The following GALM variants were observed in gnomAD, a reference collection of about 807,000 sequenced individuals.
GALM encodes the protein aldose 1-epimerase.
Under a neutral mutation model 37.4 loss-of-function variants are expected in GALM, and 43 were observed. The observed-to-expected ratio is 1.15, with a 90% CI of 0.90 to 1.48. The LOEUF (loss-of-function observed/expected upper bound fraction) is 1.48, where lower values mean the gene tolerates loss of function less well. Among genes scored for constraint, GALM ranks in the 40% most tolerant of loss-of-function variants. GALM has a pLI of 0.00. For missense variants in GALM, 456 were observed against 419.1 expected, an observed-to-expected ratio of 1.09 and a Z score of -0.77; for synonymous variants, 199 against 170.6, an observed-to-expected ratio of 1.17 and a Z score of -1.30.
At chr2:38,712,205 C>T (rs915690539) in intron 4 of GALM, among the ~76,000 whole-genome samples, 3 of 152,184 alleles carry the variant, frequency 2.0e-5, no homozygotes, top group Non-Finnish European at 4.4e-5. Context: ...CTCCTAGCTT[C>T]ATGCTGTCTG....
intron 5 of GALM, among the ~76,000 whole-genome samples, chr2:38,730,960 T>C (rs1406149815): frequency 2.0e-5 from 3 of 150,558 alleles, no homozygotes; most frequent in Admixed American, 2.0e-4. Flanking sequence ...GCAGTGGCTC[T>C]CATGCCTGTA....
At chr2:38,711,827 C>T (rs796223974) in intron 4 of GALM, among the ~76,000 whole-genome samples, 7 of 127,454 alleles carry the variant, frequency 5.5e-5, no homozygotes, top group East Asian at 4.5e-4. Flanking sequence ...ATCACTATCA[C>T]CACCATCATC....
chr2:38,730,127 T>G (rs1337604674), intron 5 of GALM, among the ~76,000 whole-genome samples: 1 of 152,228 alleles, frequency 6.6e-6, no homozygotes, highest in African/African-American at 2.4e-5. Context: ...GATAGACACT[T>G]GTGTGCACGC....
At chr2:38,675,437 C>G (rs909418952) in intron 1 of GALM, among the ~76,000 whole-genome samples, 1 of 151,342 alleles carries the variant, frequency 6.6e-6, no homozygotes, top group Non-Finnish European at 1.5e-5. Flanking sequence ...AGGACTTTGA[C>G]ATGCCCAAGA....
At chr2:38,675,072 G>A (rs181905277) in intron 1 of GALM, among the ~76,000 whole-genome samples, 1 of 152,082 alleles carries the variant, frequency 6.6e-6, no homozygotes, top group African/African-American at 2.4e-5. Flanking sequence ...CTACTCAGGA[G>A]GCTGAGGCAA....
At chr2:38,714,288 C>T (rs568750265) in intron 4 of GALM, among the ~76,000 whole-genome samples, 263 of 150,096 alleles carry the variant, frequency 1.8e-3, no homozygotes, top group African/African-American at 6.3e-3. Flanking sequence ...GATCTCGGCT[C>T]ACTGCAACCT....
At chr2:38,692,876 G>T (rs1280885787) in intron 4 of GALM, among the ~76,000 whole-genome samples, 1 of 152,322 alleles carries the variant, frequency 6.6e-6, no homozygotes, top group East Asian at 1.9e-4. Context: ...GAACAAGCGT[G>T]GGCGGTGCAA....
At chr2:38,697,243 C>T (rs879390150) in intron 4 of GALM, among the ~76,000 whole-genome samples, 66 of 152,158 alleles carry the variant, frequency 4.3e-4, no homozygotes, top group Non-Finnish European at 8.4e-4. Context: ...CTACATTCCT[C>T]GGATTGTGCG....
At chr2:38,697,749 T>G (rs1343282403) in intron 4 of GALM, among the ~76,000 whole-genome samples, 1 of 152,084 alleles carries the variant, frequency 6.6e-6, no homozygotes, top group African/African-American at 2.4e-5. Context: ...GGATGGGGCA[T>G]TATCACCTAG....
At chr2:38,704,225 G>T (rs1665989694) in intron 4 of GALM, among the ~76,000 whole-genome samples, 1 of 150,660 alleles carries the variant, frequency 6.6e-6, no homozygotes, top group South Asian at 2.1e-4. Flanking sequence ...TAGAGACAGG[G>T]TCTCACTCTG....
At chr2:38,676,758 G>A (rs997325696) in intron 2 of GALM, among the ~76,000 whole-genome samples, 9 of 151,980 alleles carry the variant, frequency 5.9e-5, no homozygotes, top group Non-Finnish European at 7.4e-5. Context: ...GCCAGAGTCC[G>A]TCTCAAAAAA....
chr2:38,685,250 T>C (rs1186673208), intron 3 of GALM, among the ~76,000 whole-genome samples: 1 of 152,142 alleles, frequency 6.6e-6, no homozygotes, highest in Non-Finnish European at 1.5e-5. Context: ...AAATTTGCCC[T>C]CTGGAAATGG....
At chr2:38,732,083 C>T (rs1666620433) in intron 6 of GALM, among the ~76,000 whole-genome samples, 174 bp downstream of exon 6, 1 of 152,050 alleles carries the variant, frequency 6.6e-6, no homozygotes, top group African/African-American at 2.4e-5. Flanking sequence ...TGCAGTGGCA[C>T]GATCTCAGCT....
chr2:38,673,789 G>T (rs1268685837), intron 1 of GALM, among the ~76,000 whole-genome samples: 1 of 137,072 alleles, frequency 7.3e-6, no homozygotes, highest in Non-Finnish European at 1.5e-5. Context: ...CAGCCTGGGC[G>T]ACAGAGCGAG....
At chr2:38,720,047 AT>A (rs1391350855) in intron 4 of GALM, among the ~76,000 whole-genome samples, 1 of 151,614 alleles carries the variant, frequency 6.6e-6, no homozygotes, top group Non-Finnish European at 1.5e-5. Context: ...ACTAAAAAAA[AT>A]AATAATAATA....
chr2:38,691,797 A>G (rs1490928833), intron 4 of GALM, among the ~76,000 whole-genome samples: 1 of 151,576 alleles, frequency 6.6e-6, no homozygotes, highest in Admixed American at 6.6e-5. Context: ...ATATTTTAGT[A>G]CCATAAAAGT....
chr2:38,730,230 A>T (rs1476185353), intron 5 of GALM, among the ~76,000 whole-genome samples: 2 of 152,200 alleles, frequency 1.3e-5, no homozygotes, highest in Admixed American at 1.3e-4. Context: ...CCTTGGCACT[A>T]GCAAATAATG....
chr2:38,710,046 CCT>C (rs1294088776), intron 4 of GALM, among the ~76,000 whole-genome samples: 1 of 152,180 alleles, frequency 6.6e-6, no homozygotes, highest in African/African-American at 2.4e-5. Flanking sequence ...CCCCAGTGTC[CCT>C]CCCAACTTTT....
chr2:38,667,272 G>A (rs775874866), intron 1 of GALM, among the ~76,000 whole-genome samples: 2 of 152,148 alleles, frequency 1.3e-5, no homozygotes, highest in Non-Finnish European at 2.9e-5. Context: ...CTGCTGGAGA[G>A]GAGGTTTGAG....
Sources: gnomAD v4.1 joint callset for allele counts (sites outside exome capture counted in the v4.1 genomes callset) on GRCh38, gnomAD v4.1.1 for gene constraint, MANE v1.5 for transcripts, NCBI Gene and HGNC (gene_info 2026-07-23, HGNC 2026-07-21) for gene names.